CDK14: variants seen among roughly 807,000 people sequenced by gnomAD.
The protein encoded by CDK14 is cyclin-dependent kinase 14.
A neutral mutation model predicts 60.7 loss-of-function variants in CDK14; 34 were observed. The ratio of observed to expected loss-of-function variants is 0.56; its 90% confidence interval spans 0.43 to 0.75. The LOEUF is 0.75. CDK14 is among the 30% of genes least tolerant of loss of function. The probability of loss-of-function intolerance (pLI) is 0.00; values close to 1 mark genes in which losing one functional copy is unlikely to be tolerated. For synonymous variants in CDK14, 197 were observed against 203.7 expected (o/e 0.97, Z 0.28); for missense variants, 482 against 564.1 (o/e 0.85, Z 1.47).
chr7:91,066,042 G>A (rs1427933057), intron 11 of CDK14, among the ~76,000 whole-genome samples: 1 of 152,156 alleles, frequency 6.6e-6, no homozygotes, highest in Admixed American at 6.6e-5. Flanking sequence ...CTTCAGTGTG[G>A]CCACGGCTTT....
At chr7:91,139,802 CTTTCTTTCTTTCT>C (rs1321564348) in intron 14 of CDK14, among the ~76,000 whole-genome samples, 10 of 148,948 alleles carry the variant, frequency 6.7e-5, no homozygotes, top group Non-Finnish European at 1.2e-4. Context: ...TTCTTTCTTT[CTTTCTTTCTTTCT>C]TTTCTTTTCT....
chr7:91,183,030 A>G (rs565830438), intron 14 of CDK14, among the ~76,000 whole-genome samples: 1 of 152,202 alleles, frequency 6.6e-6, no homozygotes, highest in Admixed American at 6.5e-5. Context: ...GCAAACTTCT[A>G]ATGTTTAGTT....
chr7:90,749,555 A>G (rs914926148), intron 4 of CDK14, among the ~76,000 whole-genome samples: 1 of 152,196 alleles, frequency 6.6e-6, no homozygotes, highest in Non-Finnish European at 1.5e-5. Context: ...ATCTCCAGGC[A>G]TTTGGAGCAC....
At chr7:90,976,959 C>T (rs1422994644) in intron 9 of CDK14, among the ~76,000 whole-genome samples, 2 of 151,926 alleles carry the variant, frequency 1.3e-5, no homozygotes, top group Non-Finnish European at 2.9e-5. Context: ...TGATATAATC[C>T]CATTTGTTTA....
chr7:91,086,660 G>GGTGT (rs149008629), intron 12 of CDK14, among the ~76,000 whole-genome samples: 13 of 149,208 alleles, frequency 8.7e-5, no homozygotes, highest in African/African-American at 2.0e-4. Context: ...GGCCCCTGTG[G>GGTGT]GTGTGTGTGT....
At chr7:91,028,435 G>A (rs1030636132) in intron 10 of CDK14, among the ~76,000 whole-genome samples, 6 of 152,068 alleles carry the variant, frequency 3.9e-5, no homozygotes, top group Admixed American at 3.9e-4. Context: ...TTTCCTTTGG[G>A]TAGCTACCTA....
At chr7:91,053,855 A>G (rs1001481790) in intron 11 of CDK14, among the ~76,000 whole-genome samples, 1 of 152,162 alleles carries the variant, frequency 6.6e-6, no homozygotes, top group African/African-American at 2.4e-5. Context: ...CCACACCTGC[A>G]GTGAGGGGAG....
At chr7:91,176,154 C>G (rs1089814) in intron 14 of CDK14, among the ~76,000 whole-genome samples, 117,522 of 150,898 alleles carry the variant, frequency 0.78, 46,522 homozygotes, top group Non-Finnish European at 0.83. Flanking sequence ...GATTAAGAAT[C>G]TCACTCAAAA....
At chr7:90,639,496 C>G (rs972480347) in intron 2 of CDK14, among the ~76,000 whole-genome samples, 1 of 151,972 alleles carries the variant, frequency 6.6e-6, no homozygotes, top group Admixed American at 6.6e-5. Flanking sequence ...GAAGTTTTGT[C>G]TCAGAGGAGT....
At chr7:90,670,250 G>A (rs958247534) in intron 2 of CDK14, among the ~76,000 whole-genome samples, 1 of 152,152 alleles carries the variant, frequency 6.6e-6, no homozygotes, top group Non-Finnish European at 1.5e-5. Flanking sequence ...ATGGTATTTT[G>A]CTTTAAGTTG....
intron 7 of CDK14, among the ~76,000 whole-genome samples, chr7:90,907,754 G>A (rs1441924842): frequency 1.3e-5 from 2 of 152,004 alleles, no homozygotes; most frequent in Admixed American, 6.6e-5. Context: ...AAGGATAGGA[G>A]GTTTATTATG....
At chr7:90,807,939 A>C (rs1788926116) in intron 5 of CDK14, among the ~76,000 whole-genome samples, 1 of 152,186 alleles carries the variant, frequency 6.6e-6, no homozygotes, top group Admixed American at 6.5e-5. Context: ...GAAATGAACA[A>C]AGCCTCCAAG....
At chr7:90,778,898 T>TC (rs77350633) in intron 4 of CDK14, among the ~76,000 whole-genome samples, 24,839 of 125,022 alleles carry the variant, frequency 0.2, 2,634 homozygotes, top group East Asian at 0.35. Flanking sequence ...CTTCCTTCCT[T>TC]CTTTTCTCTC....
At chr7:90,894,938 T>C (rs1038848284) in intron 6 of CDK14, among the ~76,000 whole-genome samples, 2 of 152,206 alleles carry the variant, frequency 1.3e-5, no homozygotes, top group Non-Finnish European at 2.9e-5. Context: ...TAGCACCTAC[T>C]GTTATTATTT....
intron 6 of CDK14, among the ~76,000 whole-genome samples, chr7:90,870,883 AT>A (rs1449662453): frequency 6.6e-6 from 1 of 152,180 alleles, no homozygotes; most frequent in Admixed American, 6.5e-5. Context: ...TCTCTTTGTT[AT>A]TTCCTGATTT....
At chr7:90,970,467 C>T (rs968885831) in intron 9 of CDK14, among the ~76,000 whole-genome samples, 1 of 152,150 alleles carries the variant, frequency 6.6e-6, no homozygotes, top group Admixed American at 6.5e-5. Flanking sequence ...TCTCTATTTG[C>T]TCTTTTTTAA....
At chr7:91,112,157 G>A (rs1332587332) in intron 12 of CDK14, among the ~76,000 whole-genome samples, 1 of 152,000 alleles carries the variant, frequency 6.6e-6, no homozygotes, top group Admixed American at 6.6e-5. Flanking sequence ...TAATTCTTTA[G>A]TATTTGTTAT....
intron 5 of CDK14, among the ~76,000 whole-genome samples, chr7:90,822,356 A>C (rs918281254): frequency 2.0e-5 from 3 of 152,200 alleles, no homozygotes; most frequent in Admixed American, 6.5e-5. Flanking sequence ...ACATGTGTGT[A>C]CGGGTTTGGG....
intron 10 of CDK14, among the ~76,000 whole-genome samples, chr7:91,018,756 A>G (rs776709288): frequency 2.6e-5 from 4 of 152,002 alleles, no homozygotes; most frequent in African/African-American, 9.7e-5. Flanking sequence ...GTCACGTAAA[A>G]CGTGCCTGCT....
Sources: gnomAD v4.1 joint callset for allele counts (sites outside exome capture counted in the v4.1 genomes callset) on GRCh38, gnomAD v4.1.1 for gene constraint, MANE v1.5 for transcripts, NCBI Gene and HGNC (gene_info 2026-07-23, HGNC 2026-07-21) for gene names.